The following CARS1 variants were observed in gnomAD, a reference collection of about 807,000 sequenced individuals.
CARS1 encodes cysteine--tRNA ligase, cytoplasmic.
CARS1 carries 48 observed loss-of-function variants against 106.2 expected under a neutral mutation model. The ratio of observed to expected loss-of-function variants is 0.45; its 90% CI spans 0.36 to 0.57. The LOEUF is 0.57. Among genes scored for constraint, CARS1 ranks in the 20% least tolerant of loss-of-function variants. The pLI, the probability that CARS1 is intolerant of heterozygous loss-of-function variation, is 0.00. For synonymous variants in CARS1, 409 were observed against 403.4 expected, an observed-to-expected ratio of 1.01 and a Z score of -0.17; for missense variants, 968 against 1,057.2, an observed-to-expected ratio of 0.92 and a Z score of 1.17.
chr11:3,044,316 C>A lies in CARS1; in HGVS notation c.275-2060G>T, dbSNP rs181792500. 2.0e-5 allele frequency among the ~76,000 whole-genome samples: 3 copies of A among 152,180 alleles called. No homozygotes were observed. In the South Asian group the frequency reaches 6.2e-4, roughly 31 times the overall value. ...AAGGCTGCTATCTCCACACAGCTGG[C>A]GATGGGCTCCCCAGGAAAACGGGTT... On this transcript the variant is annotated intron_variant, in intron 2 of 22. Coordinates refer to ENST00000380525, the MANE Select transcript of CARS1 (RefSeq NM_001014437.3). The surrounding 1 kb of genome is among the most constrained non-coding windows in gnomAD (Gnocchi z 4.4).
In CARS1 at chr11:3,029,222, A is replaced by G. The variant is rs1458592091; in HGVS notation, c.942+81T>C. ...CAATGTTGACTTGGCCGCTTAATTG[A>G]GCTGGCCTTGCCAAAACAGGAATTT... On this transcript the variant is annotated intron_variant, in intron 8 of 22. Coordinates refer to ENST00000380525, the MANE Select transcript of CARS1 (RefSeq NM_001014437.3). The surrounding 1 kb of genome is among the most constrained non-coding windows in gnomAD (Gnocchi z 5.9). 6.5e-7 allele frequency: 1 copy of G among 1,540,794 alleles called. No individual in the cohort carries two copies. The highest frequency in any genetic ancestry group is 9.0e-7 in the Non-Finnish European group (1 of 1,116,962).
rs533219360 is a variant in CARS1, at chr11:3,032,516, T to G, written c.802-3073A>C. ...AACTGTGTTGGAAATGAATTAAATT[T>G]TAGGACTCCCAGCTGATGCCTGCTA... On this transcript the variant is annotated intron_variant, in intron 7 of 22. Transcript: ENST00000380525. Among the ~76,000 whole-genome samples the G allele has an allele frequency of 2.6e-5, 4 of 152,220 alleles. No individual in the cohort carries two copies. The East Asian group carries it at 7.7e-4, about 29-fold the overall frequency.
In CARS1 at chr11:3,040,919, G is replaced by A. The variant is rs776182610; in HGVS notation, c.432C>T (p.Asp144=). Residue 144 remains aspartate, a synonymous_variant, in exon 4 of 23, where the codon GAC becomes GAT. Coordinates refer to ENST00000380525, the MANE Select transcript of CARS1 (RefSeq NM_001014437.3). This position sits in a 1 kb window ranked among gnomAD's most constrained non-coding sequence, Gnocchi z 5.8. ...ACCTGGCGTGCCCCATGTGAGATGC[G>A]TCATAGACGGTTGGCCCACAGCAAT... ...TWYCCGPTVY[D]ASHMGHARSY... is the part of the protein sequence containing the mutation. The A allele has an allele frequency of 1.9e-5, 30 of 1,614,046 alleles. No homozygotes were observed. Among genetic ancestry groups the A allele is most frequent in the East Asian group, 4.5e-5 (2 of 44,898 alleles).
chr11:3,028,701 A>G lies in CARS1; in HGVS notation c.1031+295T>C. ...CTGATGTCTGTGAAGGCCCAGCAGT[A>G]TTCGCACTCACCATTATGCAGCTCT... On this transcript the variant is annotated intron_variant, in intron 9 of 22. Coordinates refer to ENST00000380525, the MANE Select transcript of CARS1 (RefSeq NM_001014437.3). The surrounding 1 kb of genome is among the most constrained non-coding windows in gnomAD (Gnocchi z 4.4). The G allele has an allele frequency of 2.2e-6, 1 of 453,912 alleles. No homozygotes were observed. Among genetic ancestry groups the G allele is most frequent in the East Asian group, 3.6e-5 (1 of 27,576 alleles). 28.1% of individuals were successfully genotyped at this position (453,912 alleles called of 1,614,324 possible). A position where few individuals can be genotyped will look rare whatever the true frequency, so the allele number is the denominator to read the frequency against.
intron 1 of CARS1, among the ~76,000 whole-genome samples, chr11:3,051,425 C>A (rs1407745815): frequency 6.6e-6 from 1 of 152,128 alleles, no homozygotes; most frequent in East Asian, 1.9e-4. Flanking sequence ...CATGGAGATG[C>A]GCTCTCCTCC....
intron 1 of CARS1, among the ~76,000 whole-genome samples, chr11:3,054,433 C>CT (rs1855993381): frequency 6.6e-6 from 1 of 152,210 alleles, no homozygotes; most frequent in Non-Finnish European, 1.5e-5. Context: ...CTTCAAATAC[C>CT]CGGAAACATG....
intron 10 of CARS1, among the ~76,000 whole-genome samples, chr11:3,024,024 C>CT (rs1182754078): frequency 1.3e-5 from 2 of 152,184 alleles, no homozygotes; most frequent in African/African-American, 4.8e-5. Flanking sequence ...TCCCGAGTAG[C>CT]TGGGACTACA....
rs200157590 is a variant in CARS1, at chr11:3,040,873, G to A, written c.455+23C>T. On this transcript the variant is annotated intron_variant, in intron 4 of 22. Transcript: ENST00000380525. This position sits in a 1 kb window ranked among gnomAD's most constrained non-coding sequence, Gnocchi z 5.8. Reference sequence around the variant, plus strand: ...TCTGCGTGCAACTGCAGAAGCTGCAGGGACACCCCGCGGTGGACCTACCTG... The same window carrying A: ...TCTGCGTGCAACTGCAGAAGCTGCAAGGACACCCCGCGGTGGACCTACCTG... The A allele has an allele frequency of 1.9e-6, 3 of 1,610,012 alleles. No individual in the cohort carries two copies. The highest frequency in any genetic ancestry group is 1.7e-5 in the Admixed American group (1 of 59,444).
At position 3,028,296 on chromosome 11, in the gene CARS1, C is replaced by T. The variant is rs887991701; in HGVS notation, c.1031+700G>A. The T allele has an allele frequency of 1.3e-5, 7 of 526,246 alleles. No homozygotes were observed. Among genetic ancestry groups the T allele is most frequent in the African/African-American group, 6.0e-5 (3 of 49,924 alleles). The allele number at this position is 526,246 out of a possible 1,614,324, so 32.6% of individuals were successfully genotyped here. On this transcript the variant is annotated intron_variant, in intron 9 of 22. Transcript: ENST00000380525. This position sits in a 1 kb window ranked among gnomAD's most constrained non-coding sequence, Gnocchi z 4.4. Reference sequence around the variant, plus strand: ...ATAAATATCAGTGCAGCCTGGCATTCGGGGCCACTACCGGTCTCCGCGTCT... The same window carrying T: ...ATAAATATCAGTGCAGCCTGGCATTTGGGGCCACTACCGGTCTCCGCGTCT...
At position 3,034,243 on chromosome 11, in the gene CARS1, G is replaced by A. The variant is rs1029531554; in HGVS notation, c.801+3807C>T. ...GTTTTGTTTTGTTTTGTTTTTTTGAGACAGTCTCACTCTGTTTCCCAGGCT... is the reference window on the plus strand; with the variant it reads ...GTTTTGTTTTGTTTTGTTTTTTTGAAACAGTCTCACTCTGTTTCCCAGGCT... On this transcript the variant is annotated intron_variant, in intron 7 of 22. Transcript: ENST00000380525. The surrounding 1 kb of genome is among the most constrained non-coding windows in gnomAD (Gnocchi z 6.3). 2.6e-5 allele frequency among the ~76,000 whole-genome samples: 4 copies of A among 150,992 alleles called. No individual in the cohort carries two copies. Among genetic ancestry groups the A allele is most frequent in the Non-Finnish European group, 5.9e-5 (4 of 67,770 alleles).
Position 3,037,111 on chromosome 11 carries a change from C to T in CARS1, c.801+939G>A, listed in dbSNP as rs187624424. ...TGCCCGTCCCAGGAGAACAGACAAA[C>T]AGCTCGGCTCCCAGGCAGGCACTGA... is the stretch of plus-strand genomic sequence containing the variant. On this transcript the variant is annotated intron_variant, in intron 7 of 22. Transcript: ENST00000380525. This position sits in a 1 kb window ranked among gnomAD's most constrained non-coding sequence, Gnocchi z 5.9. Among the ~76,000 whole-genome samples the T allele has an allele frequency of 8.2e-4, 125 of 152,252 alleles. 1 individual carries two copies. Among genetic ancestry groups the T allele is most frequent in the African/African-American group, 2.8e-3 (116 of 41,538 alleles).
At chr11:3,015,383 G>A (rs739402) in intron 17 of CARS1, among the ~76,000 whole-genome samples, 15,049 of 152,284 alleles carry the variant, frequency 0.099, 847 homozygotes, top group African/African-American at 0.14. Flanking sequence ...TGTAAATTCT[G>A]TGCTGTTTGT....
intron 10 of CARS1, among the ~76,000 whole-genome samples, chr11:3,023,284 G>A (rs943872317): frequency 6.6e-6 from 1 of 152,156 alleles, no homozygotes; most frequent in African/African-American, 2.4e-5. Context: ...GCATCTAAGT[G>A]TCAAATGCAG....
At chr11:3,026,914 A>G in intron 9 of CARS1, 117 bp from the exon 10 acceptor site, 1 of 1,116,890 alleles carries the variant, frequency 9.0e-7, no homozygotes, top group Non-Finnish European at 1.3e-6. Context: ...TGGCCTATCT[A>G]CTCTCTGTGG....
At chr11:3,054,733 G>A (rs1040067476) in intron 1 of CARS1, 2 of 616,226 alleles carry the variant, frequency 3.2e-6, no homozygotes, top group East Asian at 2.7e-5. Context: ...TTCCTCAAAG[G>A]GGTTCCCCCA....
chr11:3,012,586 C>CGCT (rs1229261764), intron 17 of CARS1, among the ~76,000 whole-genome samples: 3 of 152,214 alleles, frequency 2.0e-5, no homozygotes, highest in Non-Finnish European at 4.4e-5. Flanking sequence ...AGGTCAGACA[C>CGCT]GCTGCTGTGA....
intron 17 of CARS1, 28 bp downstream of exon 17, chr11:3,015,753 A>G: frequency 6.2e-7 from 1 of 1,605,684 alleles, no homozygotes; most frequent in Non-Finnish European, 8.5e-7. Context: ...GAGCAGGTGC[A>G]GAAGGCAGGA....
At position 3,039,819 on chromosome 11, in the gene CARS1, TA is replaced by T. The variant is rs1854185385; in HGVS notation, c.552+15del. The T allele has an allele frequency of 1.9e-5, 26 of 1,335,122 alleles. No individual in the cohort carries two copies. The highest frequency in any genetic ancestry group is 2.7e-5 in the Non-Finnish European group (26 of 957,096). 82.7% of individuals were successfully genotyped at this position (1,335,122 alleles called of 1,614,324 possible). On this transcript the variant is annotated intron_variant, in intron 5 of 22. Transcript: ENST00000380525. The surrounding 1 kb of genome is among the most constrained non-coding windows in gnomAD (Gnocchi z 5.6). ...TCCAATTGCATTTAAAATTTAATCT[TA>T]CAAATTCCCTTTACCTTGTCATCAA...
chr11:3,044,231 G>C lies in CARS1; in HGVS notation c.275-1975C>G, dbSNP rs1385749450. ...CCCTGCTATGAGGAAACGGCCCAGG[G>C]TTCACAGGACTGAAAGCTTGTCCAA... On this transcript the variant is annotated intron_variant, in intron 2 of 22. Coordinates refer to ENST00000380525, the MANE Select transcript of CARS1 (RefSeq NM_001014437.3). The surrounding 1 kb of genome is among the most constrained non-coding windows in gnomAD (Gnocchi z 4.4). Among the ~76,000 whole-genome samples, 2 of 152,170 alleles carry C rather than the reference G, an allele frequency of 1.3e-5. No homozygotes were observed. The highest frequency in any genetic ancestry group is 2.9e-5 in the Non-Finnish European group (2 of 68,032).
Sources: allele counts gnomAD v4.1 joint callset (sites outside exome capture counted in the v4.1 genomes callset), GRCh38; gene constraint gnomAD v4.1.1; non-coding constraint Gnocchi (gnomAD v3.1); transcripts MANE v1.5; gene names NCBI Gene and HGNC (gene_info 2026-07-23, HGNC 2026-07-21).